The following RNFT2 variants were observed in gnomAD, a reference collection of about 807,000 sequenced individuals.
RNFT2 encodes E3 ubiquitin-protein ligase RNFT2.
A neutral mutation model predicts 53.0 loss-of-function variants in RNFT2; 36 were observed. The ratio of observed to expected loss-of-function variants is 0.68; its 90% CI spans 0.52 to 0.90. The LOEUF is 0.90. RNFT2 is among the 40% of genes least tolerant of loss of function. The pLI is 0.00. For synonymous variants in RNFT2, 260 were observed against 253.2 expected, an observed-to-expected ratio of 1.03 and a Z score of -0.26; for missense variants, 514 against 585.6, an observed-to-expected ratio of 0.88 and a Z score of 1.26.
At chr12:116,790,428 G>A (rs187646854) in intron 7 of RNFT2, among the ~76,000 whole-genome samples, 3 of 152,228 alleles carry the variant, frequency 2.0e-5, no homozygotes, top group Admixed American at 2.0e-4. Context: ...GTCCCAGGAG[G>A]GTAGATGCTG....
In RNFT2 at chr12:116,819,341, G is replaced by C. The variant is rs1443192940; in HGVS notation, c.883-14451G>C. Among the ~76,000 whole-genome samples, 7 of 152,318 alleles carry C rather than the reference G, an allele frequency of 4.6e-5. No individual in the cohort carries two copies. In the East Asian group the frequency reaches 1.4e-3, roughly 29 times the overall value. On this transcript the variant is annotated intron_variant, in intron 7 of 10. Transcript: ENST00000257575. The stretch of plus-strand genomic sequence containing the variant: ...TAAGAGCCTCAGGCTCGGGGGCCTG[G>C]TACCGGCGCGGGACGCCCGGAGGCC...
intron 7 of RNFT2, among the ~76,000 whole-genome samples, chr12:116,779,918 A>G (rs1873613113): frequency 6.6e-6 from 1 of 152,204 alleles, no homozygotes; most frequent in South Asian, 2.1e-4. Flanking sequence ...CAGAGGACTG[A>G]GCAGGGCTCA....
intron 1 of RNFT2, among the ~76,000 whole-genome samples, chr12:116,740,079 G>A (rs1301094523): frequency 1.3e-5 from 2 of 151,948 alleles, no homozygotes; most frequent in African/African-American, 2.4e-5. Context: ...GGTGTCGCAT[G>A]CCTGTAAGCC....
intron 1 of RNFT2, 24 bp from the exon 2 acceptor site, chr12:116,740,321 A>T (rs2137058403): frequency 1.6e-6 from 1 of 612,820 alleles, no homozygotes; most frequent in Non-Finnish European, 2.9e-6. Context: ...GGGACTGTTC[A>T]TCCAGGTGTT....
At chr12:116,817,051 C>T (rs532091353) in intron 7 of RNFT2, among the ~76,000 whole-genome samples, 8 of 152,228 alleles carry the variant, frequency 5.3e-5, no homozygotes, top group Admixed American at 3.3e-4. Context: ...CTCGCTCTGT[C>T]GCCCAGGCTA....
intron 2 of RNFT2, chr12:116,740,765 T>C: frequency 1.6e-6 from 1 of 624,944 alleles, no homozygotes; most frequent in East Asian, 2.7e-5. Context: ...CTGCACAGTT[T>C]ACCGCGTTAT....
chr12:116,834,872 C>G (rs1876879346), intron 8 of RNFT2, among the ~76,000 whole-genome samples: 2 of 145,972 alleles, frequency 1.4e-5, no homozygotes, highest in Non-Finnish European at 3.0e-5. Flanking sequence ...TTTTTTTAGA[C>G]CGAGTCTCGC....
chr12:116,744,745 G>A (rs567986352), intron 3 of RNFT2, among the ~76,000 whole-genome samples: 1 of 152,338 alleles, frequency 6.6e-6, no homozygotes, highest in South Asian at 2.1e-4. Context: ...TCGGCTGGAT[G>A]CAGGGGAGAG....
At chr12:116,788,447 A>G (rs1176196033) in intron 7 of RNFT2, among the ~76,000 whole-genome samples, 2 of 152,208 alleles carry the variant, frequency 1.3e-5, no homozygotes, top group East Asian at 3.9e-4. Context: ...ATGTCTTGAT[A>G]ACTCCTGTTC....
chr12:116,752,275 C>T (rs532357104), intron 4 of RNFT2, among the ~76,000 whole-genome samples: 5 of 152,246 alleles, frequency 3.3e-5, no homozygotes, highest in South Asian at 4.1e-4. Flanking sequence ...ACTGCCAGCT[C>T]GCTCAGATTC....
chr12:116,781,042 G>C (rs1465465441), intron 7 of RNFT2, among the ~76,000 whole-genome samples: 1 of 152,166 alleles, frequency 6.6e-6, no homozygotes, highest in Non-Finnish European at 1.5e-5. Flanking sequence ...GGGAAATACA[G>C]AGTGCTTTGC....
intron 10 of RNFT2, among the ~76,000 whole-genome samples, chr12:116,840,291 G>A (rs988485951): frequency 6.6e-6 from 1 of 152,180 alleles, no homozygotes; most frequent in Non-Finnish European, 1.5e-5. Context: ...GCGGGAAGTA[G>A]TTACCCTATT....
rs1872188023 is a variant in RNFT2 at position 116,750,852 on chromosome 12, ATATATAT to A, written c.550+553_550+559del. Among the ~76,000 whole-genome samples, 4 of 2,012 alleles carry A rather than the reference ATATATAT, an allele frequency of 2.0e-3. No homozygotes were observed. The South Asian group carries it at 0.051, about 26-fold the overall frequency. The allele number at this position is 2,012 out of a possible 152,430, so 1.3% of individuals were successfully genotyped here. A position where few individuals can be genotyped will look rare whatever the true frequency, so the allele number is the denominator to read the frequency against. Reference sequence around the variant, plus strand: ...ATAATATATATATTATATATATATAATATATATTATATATATATAATATATATATTAT... The same window carrying A: ...ATAATATATATATTATATATATATAATATATATATATAATATATATATTAT... On this transcript the variant is annotated intron_variant, in intron 4 of 10. Coordinates refer to ENST00000257575, the MANE Select transcript of RNFT2 (RefSeq NM_001382266.1).
intron 7 of RNFT2, among the ~76,000 whole-genome samples, chr12:116,790,492 G>A (rs750901306): frequency 2.0e-5 from 3 of 152,208 alleles, no homozygotes; most frequent in South Asian, 2.1e-4. Context: ...GCAAAAGAGC[G>A]CAAACCTTGC....
chr12:116,800,095 G>A (rs1309035303), intron 7 of RNFT2, among the ~76,000 whole-genome samples: 1 of 152,182 alleles, frequency 6.6e-6, no homozygotes, highest in Non-Finnish European at 1.5e-5. Context: ...CTTCTGCCAT[G>A]AGTAAAAGCT....
rs750859327 is a variant in RNFT2 at position 116,831,306 on chromosome 12, C to T, written c.883-2486C>T. Among the ~76,000 whole-genome samples the T allele has an allele frequency of 3.2e-4, 49 of 152,222 alleles. 1 individual carries two copies. The highest frequency in any genetic ancestry group is 7.2e-4 in the Admixed American group (11 of 15,286). On this transcript the variant is annotated intron_variant, in intron 7 of 10. Transcript: ENST00000257575. ...TTGCTGAGTTTTGGTGAGAATACCA[C>T]AGAAGTGATACTGTGTCTTTTCAGG...
chr12:116,774,480 T>TA (rs1340991718), intron 6 of RNFT2, among the ~76,000 whole-genome samples: 2 of 152,208 alleles, frequency 1.3e-5, no homozygotes, highest in African/African-American at 4.8e-5. Context: ...AAGCGAATGC[T>TA]AATCAGAACG....
At chr12:116,818,996 G>A (rs1875844548) in intron 7 of RNFT2, among the ~76,000 whole-genome samples, 1 of 152,204 alleles carries the variant, frequency 6.6e-6, no homozygotes, top group African/African-American at 2.4e-5. Flanking sequence ...TGGAGGTCCG[G>A]GTTCCTGCGC....
chr12:116,837,050 TATC>T (rs1407806415), intron 10 of RNFT2, among the ~76,000 whole-genome samples: 1 of 152,202 alleles, frequency 6.6e-6, no homozygotes, highest in African/African-American at 2.4e-5. Context: ...TTGCTAGAAT[TATC>T]ATTGTCATCT....
Sources: gnomAD v4.1 joint callset for allele counts (sites outside exome capture counted in the v4.1 genomes callset) on GRCh38, gnomAD v4.1.1 for gene constraint, MANE v1.5 for transcripts, NCBI Gene and HGNC (gene_info 2026-07-23, HGNC 2026-07-21) for gene names.